HTR4: variants seen among roughly 807,000 people sequenced by gnomAD.
The protein encoded by HTR4 is 5-hydroxytryptamine receptor 4, also known as 5-hydroxytryptamine (serotonin) receptor 4, G protein-coupled.
In HTR4, 16 loss-of-function variants were observed where a neutral mutation model predicts 36.8. The observed-to-expected ratio is 0.43, with a 90% confidence interval of 0.29 to 0.66. HTR4 has a LOEUF of 0.66. Ranked by LOEUF, HTR4 falls within the 30% of genes least tolerant of loss-of-function variation. HTR4 has a pLI of 0.13. For missense variants in HTR4, 438 were observed against 490.9 expected (o/e 0.89, Z 1.02); for synonymous variants, 189 against 185.1 (o/e 1.02, Z -0.17).
At chr5:148,644,073 G>A (rs1203592974) in intron 1 of HTR4, among the ~76,000 whole-genome samples, 2 of 152,290 alleles carry the variant, frequency 1.3e-5, no homozygotes, top group East Asian at 3.9e-4. Flanking sequence ...AGTTTCTGAT[G>A]TAGTAGATTT....
At chr5:148,552,512 GC>G (rs1272239525) in intron 2 of HTR4, among the ~76,000 whole-genome samples, 2 of 152,108 alleles carry the variant, frequency 1.3e-5, no homozygotes, top group East Asian at 1.9e-4. Flanking sequence ...GAGACTAACG[GC>G]CCCCCTGAAA....
chr5:148,598,917 CAAGTAG>C (rs1761884510), intron 2 of HTR4, among the ~76,000 whole-genome samples: 2 of 151,844 alleles, frequency 1.3e-5, no homozygotes. Context: ...CAGAATTTCA[CAAGTAG>C]ATTTTAAAAT....
At chr5:148,556,035 T>A (rs1369713322) in intron 2 of HTR4, among the ~76,000 whole-genome samples, 3 of 152,158 alleles carry the variant, frequency 2.0e-5, no homozygotes, top group African/African-American at 7.2e-5. Context: ...TTTATTTATT[T>A]ATTTTTGAGA....
intron 4 of HTR4, among the ~76,000 whole-genome samples, chr5:148,533,259 G>A (rs112922248): frequency 9.2e-5 from 14 of 152,298 alleles, no homozygotes; most frequent in African/African-American, 3.4e-4. Context: ...TTCAAATGAT[G>A]AGTGAGGTTC....
intron 5 of HTR4, among the ~76,000 whole-genome samples, chr5:148,464,608 C>A (rs923087761): frequency 6.6e-6 from 1 of 152,146 alleles, no homozygotes; most frequent in Non-Finnish European, 1.5e-5. Flanking sequence ...GAATGAGGAG[C>A]AACAGTAATT....
At chr5:148,477,038 A>T (rs528409246), downstream of HTR4, among the ~76,000 whole-genome samples, 10 of 152,288 alleles carry the variant, frequency 6.6e-5, no homozygotes, top group South Asian at 2.1e-3. Flanking sequence ...GGACTTACAG[A>T]AAGTATTGGT....
chr5:148,538,795 C>G (rs1758958617), intron 4 of HTR4, among the ~76,000 whole-genome samples: 1 of 152,172 alleles, frequency 6.6e-6, no homozygotes, highest in Non-Finnish European at 1.5e-5. Flanking sequence ...AATGGATGTA[C>G]TGTCCAAAGT....
At chr5:148,533,098 A>T (rs1758655803) in intron 4 of HTR4, among the ~76,000 whole-genome samples, 1 of 152,220 alleles carries the variant, frequency 6.6e-6, no homozygotes, top group Non-Finnish European at 1.5e-5. Flanking sequence ...AGAGTTGTTG[A>T]TTCATATGCT....
intron 2 of HTR4, among the ~76,000 whole-genome samples, chr5:148,601,376 A>T (rs1307473101): frequency 1.3e-5 from 2 of 152,180 alleles, no homozygotes; most frequent in Non-Finnish European, 2.9e-5. Context: ...TCTCGAAGAA[A>T]TACCTGCACT....
chr5:148,498,358 T>C (rs180707921), intron 6 of HTR4, among the ~76,000 whole-genome samples: 1 of 152,300 alleles, frequency 6.6e-6, no homozygotes, highest in East Asian at 1.9e-4. Context: ...GTAGACTAAG[T>C]TCTCTATACC....
At chr5:148,590,172 C>A (rs1433962463) in intron 2 of HTR4, among the ~76,000 whole-genome samples, 2 of 151,974 alleles carry the variant, frequency 1.3e-5, no homozygotes, top group Admixed American at 1.3e-4. Context: ...ATACGAGAAA[C>A]TTCTAACACC....
intron 2 of HTR4, among the ~76,000 whole-genome samples, chr5:148,563,616 G>A (rs1456424818): frequency 1.3e-5 from 2 of 152,110 alleles, no homozygotes; most frequent in Non-Finnish European, 2.9e-5. Flanking sequence ...TTCCACATCC[G>A]TAGATTCAAC....
At chr5:148,580,983 G>A (rs1221990473) in intron 2 of HTR4, among the ~76,000 whole-genome samples, 1 of 150,814 alleles carries the variant, frequency 6.6e-6, no homozygotes, top group Non-Finnish European at 1.5e-5. Context: ...ACATTTTAAA[G>A]GGTTCCTGTT....
At chr5:148,569,996 T>C (rs1334302822) in intron 2 of HTR4, among the ~76,000 whole-genome samples, 3 of 152,132 alleles carry the variant, frequency 2.0e-5, no homozygotes, top group Non-Finnish European at 1.5e-5. Flanking sequence ...GAATCCCATC[T>C]TTTGCACTCT....
chr5:148,494,685 A>C (rs1756608303), intron 6 of HTR4, among the ~76,000 whole-genome samples: 1 of 152,234 alleles, frequency 6.6e-6, no homozygotes, highest in Non-Finnish European at 1.5e-5. Context: ...GAGAGAAGGC[A>C]CATATAGCTC....
chr5:148,456,500 G>A (rs548666095), intron 5 of HTR4, among the ~76,000 whole-genome samples: 9 of 152,262 alleles, frequency 5.9e-5, no homozygotes, highest in African/African-American at 1.9e-4. Flanking sequence ...CAGGCAAACC[G>A]AATAGCATTC....
intron 2 of HTR4, among the ~76,000 whole-genome samples, chr5:148,594,050 G>A (rs560041265): frequency 3.5e-4 from 54 of 152,128 alleles, no homozygotes; most frequent in Admixed American, 9.2e-4. Context: ...ACTATGCTTC[G>A]TAGTGAAAGT....
At chr5:148,534,821 C>T (rs961185703) in intron 4 of HTR4, among the ~76,000 whole-genome samples, 4 of 152,052 alleles carry the variant, frequency 2.6e-5, no homozygotes, top group African/African-American at 9.7e-5. Context: ...AAGAGATAAG[C>T]AAAAGACCCT....
intron 4 of HTR4, among the ~76,000 whole-genome samples, chr5:148,529,733 G>A (rs1758462591): frequency 6.6e-6 from 1 of 152,322 alleles, no homozygotes; most frequent in Non-Finnish European, 1.5e-5. Flanking sequence ...TAGTATGGAG[G>A]ACTCAGAAGA....
Sources: allele counts gnomAD v4.1 joint callset (sites outside exome capture counted in the v4.1 genomes callset), GRCh38; gene constraint gnomAD v4.1.1; transcripts MANE v1.5; gene names NCBI Gene and HGNC (gene_info 2026-07-23, HGNC 2026-07-21).